Variants in CDKL5 observed in about 807,000 individuals in gnomAD.
CDKL5 encodes the protein cyclin-dependent kinase-like 5.
In CDKL5, 8 loss-of-function variants were observed where a neutral mutation model predicts 61.7. That is an observed-to-expected ratio of 0.13 (90% CI 0.08 to 0.23). The LOEUF (loss-of-function observed/expected upper bound fraction) is 0.23. Ranked by LOEUF, CDKL5 falls within the 10% of genes least tolerant of loss-of-function variation. The pLI is 1.00. For missense variants in CDKL5, 440 were observed against 734.5 expected (o/e 0.60, Z 4.63); for synonymous variants, 275 against 272.3 (o/e 1.01, Z -0.10).
At chrX:18,553,989 A>G (rs1334126438) in intron 3 of CDKL5, among the ~76,000 whole-genome samples, 3 of 111,057 alleles carry the variant, frequency 2.7e-5, no homozygotes, top group African/African-American at 9.8e-5. Flanking sequence ...TAGAGTTTAC[A>G]TCAATGTTTC....
Position 18,630,474 on chromosome X carries a change from C to T in CDKL5, c.*1717C>T, listed in dbSNP as rs1927202473. On this transcript the variant is annotated 3_prime_UTR_variant, in exon 18 of 18. Transcript: ENST00000623535. ...GTCCTCAAATTCTGAGTGTCAGCCC[C>T]TGCATCAAGTCAGCTATGATCAAAA... 2.7e-6 allele frequency: 2 copies of T among 753,469 alleles called. No individual in the cohort carries two copies. Among genetic ancestry groups the T allele is most frequent in the South Asian group, 6.8e-5 (1 of 14,709 alleles). The allele number at this position is 753,469 out of a possible 1,213,427, so 62.1% of individuals were successfully genotyped here. A position where few individuals can be genotyped will look rare whatever the true frequency, so the allele number is the denominator to read the frequency against.
chrX:18,644,390 G>A, downstream of CDKL5: 3 of 1,171,484 alleles, frequency 2.6e-6, no homozygotes, highest in South Asian at 5.4e-5. Context: ...AAGTCCCAGA[G>A]GGTGCGAGCT....
intron 3 of CDKL5, among the ~76,000 whole-genome samples, chrX:18,539,404 A>AT (rs1272172447): frequency 1.8e-5 from 2 of 111,799 alleles, no homozygotes; most frequent in African/African-American, 6.5e-5. Flanking sequence ...TACATGTTGT[A>AT]TTTTCATTTT....
chrX:18,470,335 CAAA>C (rs1159973577), intron 1 of CDKL5, among the ~76,000 whole-genome samples: 1 of 24,911 alleles, frequency 4.0e-5, no homozygotes, highest in Non-Finnish European at 8.0e-5. Context: ...GACTCCGTCT[CAAA>C]AAAAAAAAGA....
intron 20 of CDKL5, among the ~76,000 whole-genome samples, chrX:18,649,041 CAAAA>C (rs746581850): frequency 5.9e-5 from 3 of 50,822 alleles, no homozygotes; most frequent in East Asian, 6.2e-4. Flanking sequence ...GACACTGTCT[CAAAA>C]AAAAAAAAAA....
At chrX:18,644,088 A>T (rs1927679748), downstream of CDKL5, among the ~76,000 whole-genome samples, 1 of 111,913 alleles carries the variant, frequency 8.9e-6, no homozygotes, top group Admixed American at 9.5e-5. Context: ...CCACATCAAT[A>T]ACATCAGACC....
rs893120310 is a variant in CDKL5 at position 18,632,448 on chromosome X, G to A, written c.*3691G>A. The A allele has an allele frequency of 1.3e-5, 10 of 751,945 alleles. No individual in the cohort carries two copies. Among genetic ancestry groups the A allele is most frequent in the South Asian group, 1.4e-4 (2 of 14,689 alleles). 62.0% of individuals were successfully genotyped at this position (751,945 alleles called of 1,213,427 possible). A position where few individuals can be genotyped will look rare whatever the true frequency, so the allele number is the denominator to read the frequency against. On this transcript the variant is annotated 3_prime_UTR_variant, in exon 18 of 18. Transcript: ENST00000623535. Reference sequence around the variant, plus strand: ...TTTTACCAACTGCTCAAAGGCATCCGTGGCTTTCAGCTGTGTCTCCCGAAA... The same window carrying A: ...TTTTACCAACTGCTCAAAGGCATCCATGGCTTTCAGCTGTGTCTCCCGAAA...
chrX:18,514,639 G>A (rs1171406135), intron 3 of CDKL5, among the ~76,000 whole-genome samples: 5 of 106,271 alleles, frequency 4.7e-5, no homozygotes, highest in Admixed American at 3.0e-4. Context: ...CCTGGGAGGC[G>A]GAGGTTGCAG....
At chrX:18,480,738 A>G (rs1433282452) in intron 1 of CDKL5, among the ~76,000 whole-genome samples, 2 of 111,230 alleles carry the variant, frequency 1.8e-5, no homozygotes, top group Non-Finnish European at 3.8e-5. Context: ...TGTTGCTAAA[A>G]TTGTCCCTGC....
At position 18,604,751 on chromosome X, in the gene CDKL5, T is replaced by C. The variant is rs764272402; in HGVS notation, c.1827T>C (p.His609=). ...CCTTTTCTTCCCAGCAACGTCCTCATAGGCATTCTATGTATGTGACCCGTG... is the reference window on the plus strand; with the variant it reads ...CCTTTTCTTCCCAGCAACGTCCTCACAGGCATTCTATGTATGTGACCCGTG... The part of the protein sequence containing the change: ...TSPFSSQQRP[H]RHSMYVTRDK... Residue 609 remains histidine, a synonymous_variant, in exon 12 of 18, where the codon CAT becomes CAC. Coordinates refer to ENST00000623535, the MANE Select transcript of CDKL5 (RefSeq NM_001323289.2). 1.7e-6 allele frequency: 2 copies of C among 1,211,653 alleles called. No individual in the cohort carries two copies. Among genetic ancestry groups the C allele is most frequent in the African/African-American group, 1.7e-5 (1 of 57,723 alleles).
At chrX:18,509,603 ATT>A (rs990330239) in intron 2 of CDKL5, among the ~76,000 whole-genome samples, 4 of 111,286 alleles carry the variant, frequency 3.6e-5, no homozygotes, top group African/African-American at 1.3e-4. Flanking sequence ...TCTTAATTAG[ATT>A]TTTCACATTA....
chrX:18,595,556 A>T, intron 10 of CDKL5, 128 bp downstream of exon 10: 1 of 496,398 alleles, frequency 2.0e-6, no homozygotes, highest in Non-Finnish European at 3.6e-6. Flanking sequence ...ATAATGGGGA[A>T]CTATGTCATA....
At chrX:18,488,533 T>G (rs1921871641) in intron 1 of CDKL5, among the ~76,000 whole-genome samples, 1 of 111,635 alleles carries the variant, frequency 9.0e-6, no homozygotes, top group African/African-American at 3.3e-5. Context: ...GAAGGCACTA[T>G]TAGAGATTTA....
Position 18,604,117 on chromosome X carries a change from CCAA to C in CDKL5, c.1202_1204del (p.Asn401del). ...CCTGGGTCTACCAGCAAAGATCTCA[CCAA>C]CAACAACATACCACACCTTCTTAGC... On this transcript the variant is annotated inframe_deletion, in exon 12 of 18. Transcript: ENST00000623535. The C allele has an allele frequency of 8.3e-7, 1 of 1,211,576 alleles. No individual in the cohort carries two copies. The highest frequency in any genetic ancestry group is 1.1e-6 in the Non-Finnish European group (1 of 895,415).
At position 18,632,158 on chromosome X, in the gene CDKL5, G is replaced by C. The variant is rs908069634; in HGVS notation, c.*3401G>C. 1.1e-5 allele frequency: 8 copies of C among 754,144 alleles called. No individual in the cohort carries two copies. Among genetic ancestry groups the C allele is most frequent in the Non-Finnish European group, 1.1e-5 (7 of 639,086 alleles). 62.1% of individuals were successfully genotyped at this position (754,144 alleles called of 1,213,427 possible). On this transcript the variant is annotated 3_prime_UTR_variant, in exon 18 of 18. Transcript: ENST00000623535. ...CAGAGCTTGGCTCTGGCCTTGTTCT[G>C]TCCAGGCTACAGTACTGCAGGTGTG... is the stretch of plus-strand genomic sequence containing the variant.
At position 18,638,273 on chromosome X, in the gene CDKL5, CTTTG is replaced by C. The variant is rs761276149; in HGVS notation, c.*9519_*9522del. On this transcript the variant is annotated 3_prime_UTR_variant, in exon 18 of 18. Transcript: ENST00000623535. The stretch of plus-strand genomic sequence containing the variant: ...ATATTGGCAACACTTAATGCTACTT[CTTTG>C]TTCGTAACATTTCATTTAATTATTT... The C allele has an allele frequency of 5.3e-5, 6 of 112,411 alleles. No individual in the cohort carries two copies. Among genetic ancestry groups the C allele is most frequent in the Non-Finnish European group, 7.5e-5 (4 of 53,340 alleles). The allele number at this position is 112,411 out of a possible 1,213,427, so 9.3% of individuals were successfully genotyped here.
chrX:18,453,277 A>G (rs1338998170), intron 1 of CDKL5, among the ~76,000 whole-genome samples: 1 of 111,856 alleles, frequency 8.9e-6, no homozygotes, highest in Non-Finnish European at 1.9e-5. Context: ...TCCTTTGAAC[A>G]TTTATAGCTA....
rs142997278 is a variant in CDKL5, at chrX:18,606,718, A to G, written c.1944+1850A>G. 5.3e-5 allele frequency among the ~76,000 whole-genome samples: 6 copies of G among 112,578 alleles called. No individual in the cohort carries two copies. In the East Asian group the frequency reaches 1.7e-3, roughly 32 times the overall value. ...ATTGGAAGGAGAAGGAAGGTAACAG[A>G]TGTTACATAGCATGGTATGCTTTGG... On this transcript the variant is annotated intron_variant, in intron 12 of 17. Transcript: ENST00000623535.
chrX:18,542,007 T>C (rs1292580519), intron 3 of CDKL5, among the ~76,000 whole-genome samples: 2 of 112,131 alleles, frequency 1.8e-5, no homozygotes, highest in Admixed American at 1.9e-4. Flanking sequence ...TGTTGAGATT[T>C]CCCTACTTTT....
Sources: gnomAD v4.1 joint callset for allele counts (sites outside exome capture counted in the v4.1 genomes callset) on GRCh38, gnomAD v4.1.1 for gene constraint, MANE v1.5 for transcripts, NCBI Gene and HGNC (gene_info 2026-07-23, HGNC 2026-07-21) for gene names.